SRRM3: variants seen among roughly 807,000 people sequenced by gnomAD.
The protein encoded by SRRM3 is serine/arginine repetitive matrix protein 3.
Under a neutral mutation model 66.2 loss-of-function variants are expected in SRRM3, and 27 were observed. The observed-to-expected ratio is 0.41, with a 90% CI of 0.30 to 0.56. SRRM3 has a LOEUF of 0.56. Among genes scored for constraint, SRRM3 ranks in the 20% least tolerant of loss-of-function variants. The pLI is 0.32. For synonymous variants in SRRM3, 391 were observed against 414.9 expected (o/e 0.94, Z 0.70); for missense variants, 918 against 991.9 (o/e 0.93, Z 1.00).
At chr7:76,214,876 T>C (rs1009809792) in intron 1 of SRRM3, among the ~76,000 whole-genome samples, 5 of 152,076 alleles carry the variant, frequency 3.3e-5, no homozygotes, top group Admixed American at 6.6e-5. Flanking sequence ...CTCAAAGTTC[T>C]GGGATTACAG....
chr7:76,205,004 C>T (rs1289997430), intron 1 of SRRM3, among the ~76,000 whole-genome samples: 1 of 152,092 alleles, frequency 6.6e-6, no homozygotes, highest in Non-Finnish European at 1.5e-5. Flanking sequence ...TGAGTTCCCC[C>T]TCTTGATCCC....
intron 8 of SRRM3, among the ~76,000 whole-genome samples, chr7:76,262,516 G>GAAAAAAAA (rs782055282): frequency 1.1e-5 from 1 of 92,756 alleles, no homozygotes; most frequent in African/African-American, 4.0e-5. Context: ...CTCTGTCTCA[G>GAAAAAAAA]AAAAAAAAAA....
chr7:76,271,334 A>G (rs1229710866), intron 11 of SRRM3, among the ~76,000 whole-genome samples: 39 of 152,112 alleles, frequency 2.6e-4, no homozygotes, highest in South Asian at 2.1e-4. Flanking sequence ...TTAATCAGCC[A>G]GGCATGGTGG....
At chr7:76,215,979 T>C (rs1474433430) in intron 1 of SRRM3, among the ~76,000 whole-genome samples, 1 of 151,082 alleles carries the variant, frequency 6.6e-6, no homozygotes, top group Non-Finnish European at 1.5e-5. Flanking sequence ...TTTTTTTTTT[T>C]TGTATTTTTA....
At position 76,260,885 on chromosome 7, in the gene SRRM3, G is replaced by C. The variant is rs782814832; in HGVS notation, c.557G>C (p.Arg186Thr). 1.3e-6 allele frequency: 2 copies of C among 1,561,678 alleles called. No homozygotes were observed. Among genetic ancestry groups the C allele is most frequent in the South Asian group, 2.4e-5 (2 of 84,640 alleles). The stretch of plus-strand genomic sequence containing the variant: ...GCATCTGCCCTCAGCAAAAAGAGGA[G>C]ACTGGAGTCCGAATGCAGGTCAGTG... ...GGHRRSRKKR[R>T]LESECSCGSS... Residue 186 changes from arginine (R) to threonine (T), a missense_variant, in exon 6 of 15, where the codon AGA becomes ACA. Arg to Thr is a moderately conservative substitution (Grantham distance 71). Coordinates refer to ENST00000611745, the MANE Select transcript of SRRM3 (RefSeq NM_001110199.3).
chr7:76,244,521 C>A (rs1801389159), intron 2 of SRRM3, among the ~76,000 whole-genome samples: 1 of 40,396 alleles, frequency 2.5e-5, no homozygotes, highest in South Asian at 1.3e-3. Context: ...AAGACTCCAT[C>A]TCAAAAAAAA....
Position 76,285,523 on chromosome 7 carries a change from C to CT in SRRM3, c.1734-91dup. On this transcript the variant is annotated intron_variant, in intron 14 of 14. Transcript: ENST00000611745. This position sits in a 1 kb window ranked among gnomAD's most constrained non-coding sequence, Gnocchi z 4.1. ...AAGGCAGGTGTCTCTAAGGCCAGGGCTCAGGGGAAACTGAGGCAGGAAGCC... is the reference window on the plus strand; with the variant it reads ...AAGGCAGGTGTCTCTAAGGCCAGGGCTTCAGGGGAAACTGAGGCAGGAAGCC... The CT allele has an allele frequency of 9.5e-7, 1 of 1,049,110 alleles. No homozygotes were observed. Among genetic ancestry groups the CT allele is most frequent in the Non-Finnish European group, 1.4e-6 (1 of 717,166 alleles). The allele number at this position is 1,049,110 out of a possible 1,614,324, so 65.0% of individuals were successfully genotyped here.
At chr7:76,248,629 A>G (rs1801499521) in intron 3 of SRRM3, among the ~76,000 whole-genome samples, 1 of 152,094 alleles carries the variant, frequency 6.6e-6, no homozygotes, top group Non-Finnish European at 1.5e-5. Flanking sequence ...TGAACCCAAC[A>G]TTGTCTCTGG....
Position 76,282,666 on chromosome 7 carries a change from G to A in SRRM3, c.1389G>A (p.Pro463=), listed in dbSNP as rs1330656737. The change falls in exon 13 of 15, where the codon CCG becomes CCA. Residue 463 remains proline (P), a synonymous_variant. Transcript: ENST00000611745. The part of the protein sequence containing the change: ...GHGKRAKERP[P]RARPASTSPS... ...CCTCCAGGGCCAAGGAGCGGCCCCC[G>A]CGCGCGCGGCCCGCCAGCACCTCTC... is the stretch of plus-strand genomic sequence containing the variant. The A allele has an allele frequency of 5.9e-5, 69 of 1,173,674 alleles. No homozygotes were observed. Among genetic ancestry groups the A allele is most frequent in the Non-Finnish European group, 7.2e-5 (68 of 946,770 alleles). 72.7% of individuals were successfully genotyped at this position (1,173,674 alleles called of 1,614,324 possible).
Position 76,285,975 on chromosome 7 carries a change from G to A in SRRM3, c.*132G>A, listed in dbSNP as rs1003704717. The stretch of plus-strand genomic sequence containing the variant: ...AAAGAGGTCTCAGGGCCAGTGCACG[G>A]GCAGATGGGACCGGGGAAGACTTTG... On this transcript the variant is annotated 3_prime_UTR_variant, in exon 15 of 15. Transcript: ENST00000611745. The surrounding 1 kb of genome is among the most constrained non-coding windows in gnomAD (Gnocchi z 4.1). 32 of 994,044 alleles carry A rather than the reference G, an allele frequency of 3.2e-5. No individual in the cohort carries two copies. Among genetic ancestry groups the A allele is most frequent in the Non-Finnish European group, 4.5e-5 (31 of 681,526 alleles). 61.6% of individuals were successfully genotyped at this position (994,044 alleles called of 1,614,324 possible). A position where few individuals can be genotyped will look rare whatever the true frequency, so the allele number is the denominator to read the frequency against.
chr7:76,213,004 C>CTTTTTTT (rs57266029), intron 1 of SRRM3, among the ~76,000 whole-genome samples: 2 of 67,870 alleles, frequency 2.9e-5, no homozygotes, highest in Non-Finnish European at 5.5e-5. Flanking sequence ...CACCCCATTC[C>CTTTTTTT]TTTTTTTTTT....
At chr7:76,278,473 C>T (rs377284133) in intron 11 of SRRM3, among the ~76,000 whole-genome samples, 44 of 151,860 alleles carry the variant, frequency 2.9e-4, no homozygotes, top group African/African-American at 1.0e-3. Flanking sequence ...GGCAGCAGAG[C>T]GAGACTCTGT....
At chr7:76,273,244 A>G (rs1353189886) in intron 11 of SRRM3, 1 of 151,636 alleles carries the variant, frequency 6.6e-6, no homozygotes, top group Non-Finnish European at 1.5e-5. Flanking sequence ...CTCCCCCGGC[A>G]TGGGCCTCTC....
intron 1 of SRRM3, among the ~76,000 whole-genome samples, chr7:76,222,822 A>G (rs1894760): frequency 0.45 from 68,123 of 151,574 alleles, 17,817 homozygotes; most frequent in African/African-American, 0.72. Context: ...GGCCAGGCTG[A>G]CCAGGCTGGT....
chr7:76,281,839 C>A, intron 12 of SRRM3, 37 bp downstream of exon 12: 2 of 1,226,740 alleles, frequency 1.6e-6, no homozygotes, highest in South Asian at 2.0e-5. Flanking sequence ...CTCCCGCCCC[C>A]ACCCCGCACA....
At chr7:76,236,004 T>C (rs1185601702) in intron 2 of SRRM3, among the ~76,000 whole-genome samples, 4 of 20,630 alleles carry the variant, frequency 1.9e-4, no homozygotes, top group African/African-American at 8.4e-4. Context: ...AGATTCTGTC[T>C]CAAAAAAAAA....
intron 11 of SRRM3, among the ~76,000 whole-genome samples, chr7:76,278,431 G>A (rs782135582): frequency 3.3e-5 from 5 of 152,122 alleles, no homozygotes; most frequent in Admixed American, 6.5e-5. Context: ...AGGTTGCAGT[G>A]AGCTGAGGTC....
At chr7:76,275,170 G>C (rs547883525) in intron 11 of SRRM3, among the ~76,000 whole-genome samples, 5 of 151,506 alleles carry the variant, frequency 3.3e-5, no homozygotes, top group Non-Finnish European at 7.4e-5. Flanking sequence ...GGCCTACACG[G>C]GCTTCTATCT....
chr7:76,280,513 C>T (rs1554611680), intron 11 of SRRM3, among the ~76,000 whole-genome samples: 1 of 151,340 alleles, frequency 6.6e-6, no homozygotes, highest in African/African-American at 2.4e-5. Context: ...TCGTCCGTCC[C>T]ATCGGGGGGG....
Sources: allele counts gnomAD v4.1 joint callset (sites outside exome capture counted in the v4.1 genomes callset), GRCh38; gene constraint gnomAD v4.1.1; non-coding constraint Gnocchi (gnomAD v3.1); transcripts MANE v1.5; gene names NCBI Gene and HGNC (gene_info 2026-07-23, HGNC 2026-07-21).